Variants in MTTP observed in about 807,000 individuals in gnomAD.
The protein encoded by MTTP is microsomal triglyceride transfer protein large subunit.
A neutral mutation model predicts 90.6 loss-of-function variants in MTTP; 49 were observed. The observed-to-expected ratio is 0.54, with a 90% CI of 0.43 to 0.69. The LOEUF is 0.69. MTTP is among the 30% of genes least tolerant of loss of function. The probability of loss-of-function intolerance (pLI) is 0.00; values close to 1 mark genes in which losing one functional copy is unlikely to be tolerated. For synonymous variants in MTTP, 347 were observed against 384.2 expected, an observed-to-expected ratio of 0.90 and a Z score of 1.13; for missense variants, 945 against 1,067.5, an observed-to-expected ratio of 0.89 and a Z score of 1.60.
In MTTP at chr4:99,611,255, A is replaced by AAG. The variant is rs1725945793; in HGVS notation, c.1867+18_1867+19dup. On this transcript the variant is annotated intron_variant, in intron 13 of 17. Coordinates refer to ENST00000265517, the MANE Select transcript of MTTP (RefSeq NM_001386140.1). Reference sequence around the variant, plus strand: ...CTACATAGAACGTATGTACACCAAAAAGAGGTTCTCCTTCCATACCCCACA... The same window carrying AAG: ...CTACATAGAACGTATGTACACCAAAAAGAGAGGTTCTCCTTCCATACCCCACA... 1.2e-6 allele frequency: 2 copies of AAG among 1,613,462 alleles called. No individual in the cohort carries two copies. The highest frequency in any genetic ancestry group is 2.7e-5 in the African/African-American group (2 of 74,900).
At position 99,619,063 on chromosome 4, in the gene MTTP, G is replaced by A. The variant is rs1726168249; in HGVS notation, c.2307G>A (p.Leu769=). ...IDISGAMEFS[L]WYRESKTRVK... ...TTTCAGGTGCAATGGAGTTTAGCTT[G>A]TGGTATCGTGAGTCTAAAACCCGAG... The change falls in exon 16 of 18, where the codon TTG becomes TTA. Residue 769 remains leucine, a synonymous_variant. Transcript: ENST00000265517. The A allele has an allele frequency of 6.2e-7, 1 of 1,613,620 alleles. No individual in the cohort carries two copies. Among genetic ancestry groups the A allele is most frequent in the Non-Finnish European group, 8.5e-7 (1 of 1,179,628 alleles).
intron 12 of MTTP, among the ~76,000 whole-genome samples, chr4:99,610,414 C>G (rs1396697155): frequency 6.6e-6 from 1 of 152,112 alleles, no homozygotes; most frequent in Non-Finnish European, 1.5e-5. Context: ...GGAGGGGAAA[C>G]CTCTCAGGAT....
chr4:99,574,802 G>A (rs1724913859), upstream of MTTP: 1 of 1,608,962 alleles, frequency 6.2e-7, no homozygotes, highest in African/African-American at 1.3e-5. Flanking sequence ...AAACATGATT[G>A]TTGCAGGTTC....
At chr4:99,566,294 AAAG>A (rs1464734060) in intron 1 of MTTP, among the ~76,000 whole-genome samples, 22 of 132,824 alleles carry the variant, frequency 1.7e-4, no homozygotes, top group African/African-American at 5.9e-4. Context: ...GTCTCAAAAA[AAAG>A]AAAAAAAAAA....
rs769674856 is a variant in MTTP, at chr4:99,622,870, T to C, written c.*22T>C. ...TTGAAACTGACCTGTGATATTTTAC[T>C]TGAATTTGTCTCCCCGAAAGGGACA... On this transcript the variant is annotated 3_prime_UTR_variant, in exon 18 of 18. Coordinates refer to ENST00000265517, the MANE Select transcript of MTTP (RefSeq NM_001386140.1). 39 of 1,612,372 alleles carry C rather than the reference T, an allele frequency of 2.4e-5. No homozygotes were observed. Among genetic ancestry groups the C allele is most frequent in the Non-Finnish European group, 2.0e-5 (24 of 1,178,404 alleles).
At chr4:99,571,214 C>A (rs1724834582), upstream of MTTP, among the ~76,000 whole-genome samples, 1 of 151,780 alleles carries the variant, frequency 6.6e-6, no homozygotes, top group Non-Finnish European at 1.5e-5. Context: ...CAAATAAATT[C>A]ATATTTTTAT....
rs540284310 is a variant in MTTP at position 99,568,014 on chromosome 4, CAGAG to C, written c.-102+3780_-102+3783del. ...AAAACTGTAATGTAATATTTCAAAA[CAGAG>C]AGCAAGTTTTAAATAATAGAAAATA... is the stretch of plus-strand genomic sequence containing the variant. On this transcript the variant is annotated intron_variant, in intron 1 of 18. Transcript: ENST00000457717. Among the ~76,000 whole-genome samples, 74 of 151,870 alleles carry C rather than the reference CAGAG, an allele frequency of 4.9e-4. 2 individuals are homozygous for C. Among genetic ancestry groups the C allele is most frequent in the Middle Eastern group, 6.8e-3 (2 of 294 alleles).
intron 12 of MTTP, among the ~76,000 whole-genome samples, 178 bp downstream of exon 12, chr4:99,609,155 T>C (rs755130706): frequency 1.3e-5 from 2 of 152,162 alleles, no homozygotes; most frequent in Admixed American, 6.5e-5. Flanking sequence ...CAACTTCACT[T>C]TGGCACTATG....
chr4:99,564,219 T>C, exon 1 of MTTP: 1 of 1,535,698 alleles, frequency 6.5e-7, no homozygotes, highest in Non-Finnish European at 8.7e-7. Flanking sequence ...TGCAGACGTG[T>C]ATTCATTCAT....
At chr4:99,577,215 C>T (rs540506514) in intron 1 of MTTP, among the ~76,000 whole-genome samples, 2 of 152,216 alleles carry the variant, frequency 1.3e-5, no homozygotes, top group South Asian at 4.2e-4. Context: ...TTGGGGATCC[C>T]ATGCCTCATT....
intron 3 of MTTP, among the ~76,000 whole-genome samples, chr4:99,586,128 C>T (rs551575309): frequency 1.3e-5 from 2 of 152,232 alleles, no homozygotes; most frequent in East Asian, 3.9e-4. Context: ...CTCCCTTTCC[C>T]ATCTGAGGCT....
In MTTP at chr4:99,589,639, C is replaced by T. The variant is rs762147239; in HGVS notation, c.394-4C>T. The T allele has an allele frequency of 1.0e-5, 16 of 1,548,778 alleles. No individual in the cohort carries two copies. Among genetic ancestry groups the T allele is most frequent in the African/African-American group, 1.4e-5 (1 of 72,896 alleles). ...TTTGTGTTCTGTTCCCCTCTCCCCA[C>T]CAGGTCAAAGAGTTCTACTCATATC... On this transcript the variant is annotated splice_polypyrimidine_tract_variant and splice_region_variant and intron_variant, in intron 3 of 17. Coordinates refer to ENST00000265517, the MANE Select transcript of MTTP (RefSeq NM_001386140.1).
Position 99,613,018 on chromosome 4 carries a change from G to A in MTTP, c.2095G>A (p.Val699Ile). 1 of 1,614,110 alleles carries A rather than the reference G, an allele frequency of 6.2e-7. No individual in the cohort carries two copies. Among genetic ancestry groups the A allele is most frequent in the Non-Finnish European group, 8.5e-7 (1 of 1,179,964 alleles). Residue 699 changes from valine (V) to isoleucine (I), a missense_variant, in exon 15 of 18, where the codon GTT becomes ATT. Physicochemically the swap from Val to Ile is conservative, Grantham distance 29. Coordinates refer to ENST00000265517, the MANE Select transcript of MTTP (RefSeq NM_001386140.1). ...TGGTATGTCAGCCATCCTCTTTGAT[G>A]TTCAGCTCAGACCTGTCACCTTTTT... ...YAGMSAILFD[V>I]QLRPVTFFNG...
intron 3 of MTTP, chr4:99,584,098 T>C (rs941471442): frequency 6.6e-6 from 1 of 152,280 alleles, no homozygotes; most frequent in Admixed American, 6.6e-5. Context: ...ATAATATATA[T>C]TTGAAAATCT....
intron 16 of MTTP, among the ~76,000 whole-genome samples, chr4:99,619,763 G>T (rs1025508224): frequency 6.6e-6 from 1 of 152,138 alleles, no homozygotes; most frequent in Non-Finnish European, 1.5e-5. Flanking sequence ...TCAAATTTTT[G>T]ATTCATCTTG....
At chr4:99,589,032 C>T (rs5011593) in intron 3 of MTTP, among the ~76,000 whole-genome samples, 38 of 642 alleles carry the variant, frequency 0.059, 7 homozygotes, top group Non-Finnish European at 0.094. Flanking sequence ...CATATATATA[C>T]ACACATATAT....
chr4:99,622,192 C>T (rs1439190922), intron 17 of MTTP, among the ~76,000 whole-genome samples: 1 of 152,162 alleles, frequency 6.6e-6, no homozygotes, highest in Non-Finnish European at 1.5e-5. Flanking sequence ...AAACCCCAAC[C>T]TTCTAATGGT....
intron 15 of MTTP, among the ~76,000 whole-genome samples, chr4:99,615,411 A>G (rs774371496): frequency 2.6e-5 from 4 of 152,240 alleles, no homozygotes; most frequent in Non-Finnish European, 5.9e-5. Flanking sequence ...TTTTCTATTC[A>G]CTAAGCTAGG....
intron 1 of MTTP, among the ~76,000 whole-genome samples, chr4:99,569,412 TAAAG>T (rs1337254461): frequency 6.6e-6 from 1 of 151,716 alleles, no homozygotes; most frequent in Non-Finnish European, 1.5e-5. Context: ...GTAACCTAAA[TAAAG>T]TATGAATTTT....
Sources: allele counts gnomAD v4.1 joint callset (sites outside exome capture counted in the v4.1 genomes callset), GRCh38; gene constraint gnomAD v4.1.1; transcripts MANE v1.5; gene names NCBI Gene and HGNC (gene_info 2026-07-23, HGNC 2026-07-21).